TAF4: variants seen among roughly 807,000 people sequenced by gnomAD.
The protein encoded by TAF4 is TATA-box binding protein associated factor 4, also known as transcription initiation factor TFIID subunit 4.
TAF4 carries 9 observed loss-of-function variants against 90.3 expected under a neutral mutation model. The ratio of observed to expected loss-of-function variants is 0.10; its 90% CI spans 0.06 to 0.17. The LOEUF is 0.17. Among genes scored for constraint, TAF4 ranks in the 10% least tolerant of loss-of-function variants. TAF4 has a pLI of 1.00. For missense variants in TAF4, 1,351 were observed against 1,370.7 expected, an observed-to-expected ratio of 0.99 and a Z score of 0.23; for synonymous variants, 818 against 638.9, an observed-to-expected ratio of 1.28 and a Z score of -4.23.
intron 1 of TAF4, among the ~76,000 whole-genome samples, chr20:62,026,752 C>G (rs1030249194): frequency 9.2e-5 from 14 of 152,214 alleles, no homozygotes; most frequent in African/African-American, 3.4e-4. Context: ...CTCCACCAAC[C>G]CACCCACGGC....
intron 1 of TAF4, among the ~76,000 whole-genome samples, chr20:62,036,679 CT>C (rs2055934304): frequency 6.6e-6 from 1 of 152,068 alleles, no homozygotes; most frequent in African/African-American, 2.4e-5. Context: ...TGTTAACAGA[CT>C]AAAAAAGAAA....
At position 62,010,220 on chromosome 20, in the gene TAF4, G is replaced by A. The variant is rs969552149; in HGVS notation, c.1642-55C>T. The A allele has an allele frequency of 3.7e-6, 6 of 1,610,998 alleles. No individual in the cohort carries two copies. In the Middle Eastern group the frequency reaches 4.9e-4, roughly 133 times the overall value. On this transcript the variant is annotated intron_variant, in intron 3 of 14. Transcript: ENST00000252996. The surrounding 1 kb of genome is among the most constrained non-coding windows in gnomAD (Gnocchi z 4.5). ...GCATCTCACGCCACCAGCTGACGAG[G>A]GGGAGACCAGCCTCACGCCCAGCAA... is the stretch of plus-strand genomic sequence containing the variant.
At chr20:62,048,853 C>A (rs2049198076) in intron 1 of TAF4, among the ~76,000 whole-genome samples, 2 of 149,796 alleles carry the variant, frequency 1.3e-5, no homozygotes, top group South Asian at 4.3e-4. Context: ...AGCCCTCTCC[C>A]CACATGCCCA....
intron 14 of TAF4, among the ~76,000 whole-genome samples, chr20:61,977,538 T>G (rs1302087446): frequency 6.6e-6 from 1 of 152,142 alleles, no homozygotes; most frequent in East Asian, 1.9e-4. Flanking sequence ...CCACTTTCAG[T>G]TCAGGCTGGG....
chr20:62,025,969 T>C (rs2055872168), intron 1 of TAF4, among the ~76,000 whole-genome samples: 1 of 152,228 alleles, frequency 6.6e-6, no homozygotes, highest in African/African-American at 2.4e-5. Flanking sequence ...CCAGTCACTT[T>C]ACATGTGCTC....
intron 14 of TAF4, among the ~76,000 whole-genome samples, chr20:61,991,667 C>T (rs2055632461): frequency 6.6e-6 from 1 of 152,010 alleles, no homozygotes; most frequent in Admixed American, 6.6e-5. Context: ...AGTGCTCCAG[C>T]AGGCAAAGAA....
intron 3 of TAF4, chr20:62,012,555 T>C (rs1023050625): frequency 2.7e-6 from 1 of 364,214 alleles, no homozygotes; most frequent in Non-Finnish European, 4.8e-6. Flanking sequence ...GCTTCCAACA[T>C]GGTGGAAAGC....
At chr20:62,036,516 A>C (rs1222603398) in intron 1 of TAF4, among the ~76,000 whole-genome samples, 1 of 152,206 alleles carries the variant, frequency 6.6e-6, no homozygotes, top group African/African-American at 2.4e-5. Flanking sequence ...CTGCAAGGAA[A>C]TGACAGGCCA....
chr20:62,023,038 G>T (rs1487673136), intron 1 of TAF4, among the ~76,000 whole-genome samples: 1 of 152,218 alleles, frequency 6.6e-6, no homozygotes, highest in Non-Finnish European at 1.5e-5. Flanking sequence ...AAACTGATCT[G>T]CAGAAGCAAT....
intron 2 of TAF4, among the ~76,000 whole-genome samples, chr20:62,013,406 G>C (rs766992566): frequency 6.6e-6 from 1 of 152,238 alleles, no homozygotes; most frequent in South Asian, 2.1e-4. Context: ...GAAGTTTGTC[G>C]GAGAGAGACT....
chr20:62,064,815 G>A lies in TAF4; in HGVS notation c.996C>T (p.Gly332=). 1 of 982,294 alleles carries A rather than the reference G, an allele frequency of 1.0e-6. No individual in the cohort carries two copies. The highest frequency in any genetic ancestry group is 1.8e-5 in the African/African-American group (1 of 55,808). The allele number at this position is 982,294 out of a possible 1,614,324, so 60.8% of individuals were successfully genotyped here. A position where few individuals can be genotyped will look rare whatever the true frequency, so the allele number is the denominator to read the frequency against. The change falls in exon 1 of 15, where the codon GGC becomes GGT. Residue 332 remains glycine (G), a synonymous_variant. Coordinates refer to ENST00000252996, the MANE Select transcript of TAF4 (RefSeq NM_003185.4). ...PAGVSGQPGP[G]AAAAAPAPGV... Reference sequence around the variant, plus strand: ...CCGGCGCCGGCGCCGCAGCCGCCGCGCCGGGCCCGGGTTGGCCGCTGACCC... The same window carrying A: ...CCGGCGCCGGCGCCGCAGCCGCCGCACCGGGCCCGGGTTGGCCGCTGACCC...
chr20:61,985,503 A>G lies in TAF4; in HGVS notation c.3091-9168T>C, dbSNP rs1404272283. Among the ~76,000 whole-genome samples the G allele has an allele frequency of 7.2e-5, 11 of 152,020 alleles. No individual in the cohort carries two copies. The East Asian group carries it at 7.7e-4, about 11-fold the overall frequency. On this transcript the variant is annotated intron_variant, in intron 14 of 14. Transcript: ENST00000252996. ...CATCTATGTAAATTTGAAATGTACT[A>G]TTTTGACCTGTGAGGTTAAATAAAA...
intron 1 of TAF4, among the ~76,000 whole-genome samples, chr20:62,052,717 C>A (rs1178531332): frequency 6.7e-6 from 1 of 150,278 alleles, no homozygotes; most frequent in Non-Finnish European, 1.5e-5. Flanking sequence ...CGCCACCCCC[C>A]ACACCCCAGG....
At chr20:62,049,728 G>A (rs1482765671) in intron 1 of TAF4, among the ~76,000 whole-genome samples, 1 of 146,370 alleles carries the variant, frequency 6.8e-6, no homozygotes, top group South Asian at 2.3e-4. Flanking sequence ...TCACTCCAGA[G>A]GGAGGCAGGG....
intron 1 of TAF4, among the ~76,000 whole-genome samples, chr20:62,036,745 C>T (rs760565900): frequency 6.6e-6 from 1 of 152,206 alleles, no homozygotes; most frequent in Non-Finnish European, 1.5e-5. Flanking sequence ...AAATAAACAT[C>T]CACTCACGAC....
intron 14 of TAF4, among the ~76,000 whole-genome samples, chr20:61,996,940 C>G (rs1183272406): frequency 6.6e-6 from 1 of 151,942 alleles, no homozygotes; most frequent in East Asian, 1.9e-4. Context: ...CAGACGGAAA[C>G]AGACCCACGG....
chr20:62,031,800 G>C (rs1056555316), intron 1 of TAF4, among the ~76,000 whole-genome samples: 1 of 152,168 alleles, frequency 6.6e-6, no homozygotes. Flanking sequence ...CAAAACCCCA[G>C]GGAGACGCCG....
At chr20:62,015,480 T>C (rs968000791) in intron 1 of TAF4, among the ~76,000 whole-genome samples, 1 of 152,206 alleles carries the variant, frequency 6.6e-6, no homozygotes, top group Non-Finnish European at 1.5e-5. Context: ...GAGGTGGGGA[T>C]GCAGCCGTGG....
chr20:62,021,019 G>A (rs1313341571), intron 1 of TAF4, among the ~76,000 whole-genome samples: 1 of 152,068 alleles, frequency 6.6e-6, no homozygotes, highest in Admixed American at 6.5e-5. Context: ...TGTTTCCAGG[G>A]GAAAAACACA....
Sources: gnomAD v4.1 joint callset for allele counts (sites outside exome capture counted in the v4.1 genomes callset) on GRCh38, gnomAD v4.1.1 for gene constraint, Gnocchi (gnomAD v3.1) non-coding constraint, MANE v1.5 for transcripts, NCBI Gene and HGNC (gene_info 2026-07-23, HGNC 2026-07-21) for gene names.